The following RARG variants were observed in gnomAD, a reference collection of about 807,000 sequenced individuals.
RARG encodes retinoic acid receptor gamma.
Under a neutral mutation model 43.7 loss-of-function variants are expected in RARG, and 17 were observed. The observed-to-expected ratio is 0.39, with a 90% confidence interval of 0.27 to 0.58. The LOEUF (loss-of-function observed/expected upper bound fraction) is 0.58. Among genes scored for constraint, RARG ranks in the 20% least tolerant of loss-of-function variants. RARG has a pLI of 0.57. For synonymous variants in RARG, 238 were observed against 236.4 expected, an observed-to-expected ratio of 1.01 and a Z score of -0.06; for missense variants, 346 against 598.7, an observed-to-expected ratio of 0.58 and a Z score of 4.40.
intron 3 of RARG, chr12:53,220,184 G>C (rs570366603): frequency 1.3e-6 from 2 of 1,503,834 alleles, no homozygotes; most frequent in Non-Finnish European, 1.8e-6. Context: ...GCGGCGCCCC[G>C]CTCCAGCAGG....
At chr12:53,225,445 T>A (rs907994211) in intron 3 of RARG, among the ~76,000 whole-genome samples, 1 of 152,124 alleles carries the variant, frequency 6.6e-6, no homozygotes, top group African/African-American at 2.4e-5. Flanking sequence ...CACTCACCCC[T>A]TCTCCGATGA....
At chr12:53,228,182 C>A (rs1322747087) in intron 2 of RARG, among the ~76,000 whole-genome samples, 1 of 152,158 alleles carries the variant, frequency 6.6e-6, no homozygotes, top group African/African-American at 2.4e-5. Flanking sequence ...CCCTACAGCT[C>A]TCTGGAGAGG....
intron 2 of RARG, chr12:53,229,961 C>G (rs1943192450): frequency 2.0e-6 from 2 of 979,224 alleles, no homozygotes; most frequent in South Asian, 9.4e-5. Flanking sequence ...TGGCCTTCCT[C>G]TTATTTTGCC....
chr12:53,210,963 TG>T lies in RARG; in HGVS notation c.*712del, dbSNP rs1276303870. On this transcript the variant is annotated 3_prime_UTR_variant, in exon 10 of 10. Coordinates refer to ENST00000425354, the MANE Select transcript of RARG (RefSeq NM_000966.6). ...GAGGGATCCCCTGGCCCCTCTGTAG[TG>T]TAGGAGGGTCCCTGCCCCAATGGCT... 2 of 152,370 alleles carry T rather than the reference TG, an allele frequency of 1.3e-5. No individual in the cohort carries two copies. Among genetic ancestry groups the T allele is most frequent in the African/African-American group, 4.8e-5 (2 of 41,324 alleles). 9.4% of individuals were successfully genotyped at this position (152,370 alleles called of 1,614,324 possible). A position where few individuals can be genotyped will look rare whatever the true frequency, so the allele number is the denominator to read the frequency against.
chr12:53,226,171 C>T (rs1017092366), intron 3 of RARG, among the ~76,000 whole-genome samples: 7 of 152,194 alleles, frequency 4.6e-5, no homozygotes, highest in Admixed American at 6.5e-5. Context: ...CTCTGTCGCC[C>T]AGGCTAGAGT....
chr12:53,227,456 T>C lies in RARG; in HGVS notation c.90A>G (p.Pro30=), dbSNP rs1320221455. 8 of 1,610,308 alleles carry C rather than the reference T, an allele frequency of 5.0e-6. No individual in the cohort carries two copies. The highest frequency in any genetic ancestry group is 6.8e-6 in the Non-Finnish European group (8 of 1,178,478). Reference sequence around the variant, plus strand: ...AAGGCGGAGACCCCCTGAGTGCCCCTGGGAAGGCGAAGGGGAAACCTGCCC... The same window carrying C: ...AAGGCGGAGACCCCCTGAGTGCCCCCGGGAAGGCGAAGGGGAAACCTGCCC... ...YPGAGFPFAF[P]GALRGSPPFE... is the part of the protein sequence containing the mutation. The change falls in exon 3 of 10, where the codon CCA becomes CCG. Residue 30 remains proline (P), a synonymous_variant. Transcript: ENST00000425354. This position sits in a 1 kb window ranked among gnomAD's most constrained non-coding sequence, Gnocchi z 4.3.
intron 2 of RARG, among the ~76,000 whole-genome samples, chr12:53,229,287 C>T (rs565430198): frequency 6.6e-6 from 1 of 152,144 alleles, no homozygotes; most frequent in Non-Finnish European, 1.5e-5. Context: ...GCCTTTCTTT[C>T]CATCAGTATT....
rs566142038 is a variant in RARG, at chr12:53,220,052, C to G, written c.185-4258G>C. 8.4e-6 allele frequency: 13 copies of G among 1,548,692 alleles called. No homozygotes were observed. In the East Asian group the frequency reaches 1.2e-4, roughly 15 times the overall value. ...AAGCCGGCCCCGGGCCCGGCCGCCCCGTACAGCCGTCGCGGACCCGGGGCA... is the reference window on the plus strand; with the variant it reads ...AAGCCGGCCCCGGGCCCGGCCGCCCGGTACAGCCGTCGCGGACCCGGGGCA... On this transcript the variant is annotated intron_variant, in intron 3 of 9. Coordinates refer to ENST00000425354, the MANE Select transcript of RARG (RefSeq NM_000966.6).
intron 3 of RARG, among the ~76,000 whole-genome samples, chr12:53,225,876 G>T (rs998839212): frequency 6.6e-6 from 1 of 152,236 alleles, no homozygotes; most frequent in Non-Finnish European, 1.5e-5. Flanking sequence ...GATCTGCACA[G>T]CATGCAGGCT....
At position 53,232,157 on chromosome 12, in the gene RARG, T is replaced by C. The variant is rs1943252262; in HGVS notation, c.-393A>G. ...GCCCGCCCACGTGACCGCCCCAAAATATCCGACACATTTTCTCCCAAACCG... is the reference window on the plus strand; with the variant it reads ...GCCCGCCCACGTGACCGCCCCAAAACATCCGACACATTTTCTCCCAAACCG... On this transcript the variant is annotated 5_prime_UTR_variant, in exon 1 of 10. The change creates a new upstream start codon in the 5' untranslated region. Transcript: ENST00000425354. 1 of 398,082 alleles carries C rather than the reference T, an allele frequency of 2.5e-6. No individual in the cohort carries two copies. The highest frequency in any genetic ancestry group is 2.1e-5 in the African/African-American group (1 of 48,486). 24.7% of individuals were successfully genotyped at this position (398,082 alleles called of 1,614,324 possible). A position where few individuals can be genotyped will look rare whatever the true frequency, so the allele number is the denominator to read the frequency against.
intron 2 of RARG, among the ~76,000 whole-genome samples, chr12:53,228,057 G>A (rs945573801): frequency 6.6e-6 from 1 of 152,174 alleles, no homozygotes; most frequent in Admixed American, 6.5e-5. Flanking sequence ...TCACATATGA[G>A]GAAACTGAGG....
chr12:53,214,217 G>A lies in RARG; in HGVS notation c.655C>T (p.Arg219Cys). The A allele has an allele frequency of 3.1e-6, 5 of 1,613,356 alleles. No individual in the cohort carries two copies. The highest frequency in any genetic ancestry group is 4.2e-6 in the Non-Finnish European group (5 of 1,179,332). The change falls in exon 7 of 10, where the codon CGC becomes TGC. Residue 219 changes from arginine to cysteine, a missense_variant. Coordinates refer to ENST00000425354, the MANE Select transcript of RARG (RefSeq NM_000966.6). ...KYTTNSSADHRVQLDLGLWDK... is the reference protein window; with the variant it reads ...KYTTNSSADHCVQLDLGLWDK... ...CACAGCCCCAGATCCAGCTGCACGCGGTGGTCTGCACTGGAGTTCTGCAGA... is the reference window on the plus strand; with the variant it reads ...CACAGCCCCAGATCCAGCTGCACGCAGTGGTCTGCACTGGAGTTCTGCAGA...
intron 5 of RARG, 68 bp from the exon 6 acceptor site, chr12:53,214,674 C>T: frequency 6.9e-7 from 1 of 1,443,724 alleles, no homozygotes; most frequent in Non-Finnish European, 9.4e-7. Context: ...CCTCTCTCAC[C>T]CTAATTTAAT....
At chr12:53,214,641 C>A (rs957133273) in intron 5 of RARG, 35 bp from the exon 6 acceptor site, 12 of 1,568,954 alleles carry the variant, frequency 7.6e-6, no homozygotes, top group South Asian at 1.1e-5. Context: ...GGGTCAGGAC[C>A]CTCAGAGCCT....
rs1250363562 is a variant in RARG at position 53,211,173 on chromosome 12, T to G, written c.*503A>C. 1 of 153,240 alleles carries G rather than the reference T, an allele frequency of 6.5e-6. No individual in the cohort carries two copies. Among genetic ancestry groups the G allele is most frequent in the East Asian group, 1.9e-4 (1 of 5,192 alleles). The allele number at this position is 153,240 out of a possible 1,614,324, so 9.5% of individuals were successfully genotyped here. Reference sequence around the variant, plus strand: ...GGCCCAGCCTGCCCCCACCTTGACCTGGCACAAGGACGGGGCACAGAGGCT... The same window carrying G: ...GGCCCAGCCTGCCCCCACCTTGACCGGGCACAAGGACGGGGCACAGAGGCT... On this transcript the variant is annotated 3_prime_UTR_variant, in exon 10 of 10. Coordinates refer to ENST00000425354, the MANE Select transcript of RARG (RefSeq NM_000966.6). This position sits in a 1 kb window ranked among gnomAD's most constrained non-coding sequence, Gnocchi z 4.6.
intron 5 of RARG, chr12:53,214,847 C>T: frequency 2.1e-6 from 1 of 485,362 alleles, no homozygotes; most frequent in Non-Finnish European, 3.6e-6. Context: ...CCATCCTGTC[C>T]TTCCTGTCAC....
intron 3 of RARG, chr12:53,220,069 C>T: frequency 1.3e-6 from 2 of 1,549,052 alleles, no homozygotes; most frequent in Non-Finnish European, 1.7e-6. Flanking sequence ...CCGTCGCGGA[C>T]CCGGGGCAAA....
intron 3 of RARG, among the ~76,000 whole-genome samples, chr12:53,222,256 A>G (rs1009553504): frequency 1.5e-5 from 2 of 134,944 alleles, no homozygotes; most frequent in African/African-American, 3.0e-5. Context: ...AAGAGAAAGA[A>G]AGAAGAAAGA....
Position 53,210,821 on chromosome 12 carries a change from A to C in RARG, c.*855T>G, listed in dbSNP as rs1223694223. 1 of 152,596 alleles carries C rather than the reference A, an allele frequency of 6.6e-6. No homozygotes were observed. The highest frequency in any genetic ancestry group is 1.5e-5 in the Non-Finnish European group (1 of 68,016). 9.5% of individuals were successfully genotyped at this position (152,596 alleles called of 1,614,324 possible). A position where few individuals can be genotyped will look rare whatever the true frequency, so the allele number is the denominator to read the frequency against. On this transcript the variant is annotated 3_prime_UTR_variant, in exon 10 of 10. Transcript: ENST00000425354. ...AAGGGGTCAATTCCACGGTGTAAAC[A>C]AAAGCTAATAAATAAATAGAGGCTT...
Sources: allele counts gnomAD v4.1 joint callset (sites outside exome capture counted in the v4.1 genomes callset), GRCh38; gene constraint gnomAD v4.1.1; non-coding constraint Gnocchi (gnomAD v3.1); transcripts MANE v1.5; gene names NCBI Gene and HGNC (gene_info 2026-07-23, HGNC 2026-07-21).